Variants in LONRF3 observed in about 807,000 individuals in gnomAD.
LONRF3 encodes LON peptidase N-terminal domain and RING finger protein 3.
A neutral mutation model predicts 51.7 loss-of-function variants in LONRF3; 19 were observed. That is an observed-to-expected ratio of 0.37 (90% confidence interval 0.26 to 0.54). LONRF3 has a LOEUF of 0.54. Among genes scored for constraint, LONRF3 ranks in the 20% least tolerant of loss-of-function variants. The probability of loss-of-function intolerance (pLI) is 0.86; values close to 1 mark genes in which losing one functional copy is unlikely to be tolerated. For missense variants in LONRF3, 521 were observed against 623.9 expected (o/e 0.84, Z 1.76); for synonymous variants, 265 against 257.8 (o/e 1.03, Z -0.27).
intron 5 of LONRF3, among the ~76,000 whole-genome samples, chrX:118,999,787 C>G: frequency 8.9e-6 from 1 of 111,953 alleles, no homozygotes. Context: ...TCCTGCCCCT[C>G]CGTTCTAAGT....
intron 3 of LONRF3, among the ~76,000 whole-genome samples, chrX:118,984,710 C>T (rs1489911271): frequency 8.9e-6 from 1 of 112,006 alleles, no homozygotes; most frequent in Non-Finnish European, 1.9e-5. Context: ...ATGATGCAAG[C>T]GAGTGTATGC....
At chrX:119,014,404 G>A in intron 10 of LONRF3, 48 bp downstream of exon 10, 1 of 1,105,691 alleles carries the variant, frequency 9.0e-7, no homozygotes, top group Non-Finnish European at 1.2e-6. Flanking sequence ...CTAGAAGAGA[G>A]TGCCTAGTGT....
chrX:119,004,561 T>A (rs1924573548), intron 5 of LONRF3, among the ~76,000 whole-genome samples: 1 of 112,526 alleles, frequency 8.9e-6, no homozygotes, highest in South Asian at 3.7e-4. Flanking sequence ...AAAAAAAATT[T>A]CTGATGCCTG....
At chrX:118,982,721 A>G in intron 2 of LONRF3, 100 bp from the exon 3 acceptor site, 1 of 1,057,603 alleles carries the variant, frequency 9.5e-7, no homozygotes. Flanking sequence ...TCCTTTTAAA[A>G]TGTTTCACAC....
intron 5 of LONRF3, among the ~76,000 whole-genome samples, chrX:118,996,738 C>T (rs1923892799): frequency 9.1e-6 from 1 of 110,004 alleles, no homozygotes; most frequent in African/African-American, 3.3e-5. Flanking sequence ...CTGGCTACCA[C>T]AAAGAAATCC....
chrX:118,997,379 C>A (rs113640787), intron 5 of LONRF3, among the ~76,000 whole-genome samples: 57 of 112,120 alleles, frequency 5.1e-4, no homozygotes, highest in African/African-American at 1.7e-3. Flanking sequence ...GGAAAGGACA[C>A]CCTTTTCAAC....
rs751926977 is a variant in LONRF3, at chrX:119,017,926, G to A, written c.*236G>A. 48 of 269,988 alleles carry A rather than the reference G, an allele frequency of 1.8e-4. No homozygotes were observed. Among genetic ancestry groups the A allele is most frequent in the Non-Finnish European group, 2.8e-4 (43 of 155,085 alleles). The allele number at this position is 269,988 out of a possible 1,213,427, so 22.3% of individuals were successfully genotyped here. On this transcript the variant is annotated 3_prime_UTR_variant, in exon 11 of 11. Coordinates refer to ENST00000371628, the MANE Select transcript of LONRF3 (RefSeq NM_001031855.3). ...GCTGCATAACTACATAAACAGCAGA[G>A]GTGTTTAAGAGCCCAGAAAAACATA...
At chrX:118,983,955 A>G (rs1021726176) in intron 3 of LONRF3, among the ~76,000 whole-genome samples, 1 of 112,294 alleles carries the variant, frequency 8.9e-6, no homozygotes, top group Non-Finnish European at 1.9e-5. Context: ...TGTGCTTGAG[A>G]GGAGCACGGT....
chrX:119,011,510 C>T (rs1463196467), intron 7 of LONRF3, among the ~76,000 whole-genome samples: 30 of 111,896 alleles, frequency 2.7e-4, no homozygotes, highest in Non-Finnish European at 7.5e-5. Context: ...AGCTATCATC[C>T]ACAATATTAA....
intron 6 of LONRF3, among the ~76,000 whole-genome samples, chrX:119,008,306 C>G (rs895046777): frequency 1.8e-5 from 2 of 112,252 alleles, no homozygotes; most frequent in African/African-American, 6.5e-5. Context: ...TATACTCAGG[C>G]GCTCCCCCTG....
rs915083521 is a variant in LONRF3 at position 118,986,956 on chromosome X, C to T, written c.1060-2452C>T. 2.6e-5 allele frequency: 30 copies of T among 1,152,317 alleles called. No individual in the cohort carries two copies. The African/African-American group carries it at 3.2e-4, about 12-fold the overall frequency. 95.0% of individuals were successfully genotyped at this position (1,152,317 alleles called of 1,213,427 possible). A position where few individuals can be genotyped will look rare whatever the true frequency, so the allele number is the denominator to read the frequency against. On this transcript the variant is annotated intron_variant, in intron 3 of 10. Coordinates refer to ENST00000371628, the MANE Select transcript of LONRF3 (RefSeq NM_001031855.3). ...CTTAGTTTCTTTTCACCATCAGTCC[C>T]GGGGGATTCTCAGGAACATTCTCCC...
At position 118,975,049 on chromosome X, in the gene LONRF3, A is replaced by G; in HGVS notation, c.269A>G (p.Tyr90Cys). 8.5e-7 allele frequency: 1 copy of G among 1,174,379 alleles called. No homozygotes were observed. The highest frequency in any genetic ancestry group is 1.1e-6 in the Non-Finnish European group (1 of 877,120). Residue 90 changes from tyrosine to cysteine, a missense_variant, in exon 1 of 11, where the codon TAT (tyrosine) becomes TGT (cysteine). Physicochemically the swap from Tyr to Cys is radical, Grantham distance 194 (BLOSUM62 -2). This residue lies in a region of LONRF3 where 376 missense variants were observed against 376.7 expected (regional missense o/e 1.00). Transcript: ENST00000371628. ...CGAATCCGTGAAGCCCTCGAGGTGT[A>G]TAGACAGCTCTCCGAGCGGCAGCAG... ...RGRIREALEV[Y>C]RQLSERQQLV...
rs913482120 is a variant in LONRF3 at position 119,012,815 on chromosome X, T to TA, written c.1812-223dup. The TA allele has an allele frequency of 2.8e-5, 26 of 935,661 alleles. No individual in the cohort carries two copies. The Admixed American group carries it at 7.3e-4, about 26-fold the overall frequency. The allele number at this position is 935,661 out of a possible 1,213,427, so 77.1% of individuals were successfully genotyped here. ...CAAACCATAGCACTGGCACAGCACA[T>TA]AGTATGTGCTCAATAAATGGTAGCA... On this transcript the variant is annotated intron_variant, in intron 8 of 10. Coordinates refer to ENST00000371628, the MANE Select transcript of LONRF3 (RefSeq NM_001031855.3).
At chrX:119,001,213 GGGAGAGA>G (rs1432152621) in intron 5 of LONRF3, among the ~76,000 whole-genome samples, 88 of 111,942 alleles carry the variant, frequency 7.9e-4, no homozygotes, top group African/African-American at 2.8e-3. Flanking sequence ...TTCAGAAGGA[GGGAGAGA>G]GGAGAGAGGG....
intron 10 of LONRF3, among the ~76,000 whole-genome samples, chrX:119,014,772 T>C (rs922065600): frequency 1.8e-5 from 2 of 111,419 alleles, no homozygotes; most frequent in Admixed American, 1.9e-4. Context: ...GGTAACTTCA[T>C]AACCCTCTCC....
intron 3 of LONRF3, 99 bp from the exon 4 acceptor site, chrX:118,989,309 T>C: frequency 2.0e-6 from 2 of 1,000,989 alleles, no homozygotes; most frequent in Admixed American, 5.5e-5. Flanking sequence ...GGGGTGGGGA[T>C]CAGGACTCTA....
intron 1 of LONRF3, among the ~76,000 whole-genome samples, chrX:118,975,925 T>C (rs1156501754): frequency 8.9e-6 from 1 of 112,129 alleles, no homozygotes; most frequent in Admixed American, 9.3e-5. Context: ...TTTCTCCGTC[T>C]CTTCGTATCT....
chrX:118,976,477 CT>C (rs1922067906), intron 1 of LONRF3: 1 of 113,427 alleles, frequency 8.8e-6, no homozygotes, highest in African/African-American at 3.2e-5. Flanking sequence ...GTGCCCTCGC[CT>C]CCAACCCCTT....
At chrX:119,012,864 T>G in intron 8 of LONRF3, 175 bp from the exon 9 acceptor site, 11 of 1,184,651 alleles carry the variant, frequency 9.3e-6, no homozygotes, top group Non-Finnish European at 1.2e-5. Flanking sequence ...ATTACGAATT[T>G]TTTTTCTTCA....
Sources: allele counts gnomAD v4.1 joint callset (sites outside exome capture counted in the v4.1 genomes callset), GRCh38; gene constraint gnomAD v4.1.1; regional missense constraint gnomAD v4.1.1; transcripts MANE v1.5; gene names NCBI Gene and HGNC (gene_info 2026-07-23, HGNC 2026-07-21).